The following ZBTB16 variants were observed in gnomAD, a reference collection of about 807,000 sequenced individuals.
ZBTB16 encodes zinc finger and BTB domain containing 16.
ZBTB16 carries 8 observed loss-of-function variants against 56.8 expected under a neutral mutation model. The observed-to-expected ratio is 0.14, with a 90% confidence interval of 0.08 to 0.25. The LOEUF (loss-of-function observed/expected upper bound fraction) is 0.25. Among genes scored for constraint, ZBTB16 ranks in the 10% least tolerant of loss-of-function variants. ZBTB16 has a pLI of 1.00. For missense variants in ZBTB16, 625 were observed against 903.0 expected, an observed-to-expected ratio of 0.69 and a Z score of 3.95; for synonymous variants, 363 against 368.5, an observed-to-expected ratio of 0.98 and a Z score of 0.17.
intron 2 of ZBTB16, among the ~76,000 whole-genome samples, chr11:114,092,599 T>C (rs1037122065): frequency 6.6e-6 from 1 of 152,192 alleles, no homozygotes; most frequent in African/African-American, 2.4e-5. Context: ...TGTGGGGCCT[T>C]TGTTCCTTGT....
At chr11:114,103,671 A>T (rs1400779845) in intron 2 of ZBTB16, among the ~76,000 whole-genome samples, 1 of 151,958 alleles carries the variant, frequency 6.6e-6, no homozygotes. Flanking sequence ...TGCACACAGG[A>T]TGTTTTCTCT....
rs1170263710 is a variant in ZBTB16, at chr11:114,143,555, A to G, written c.1269-12782A>G. Among the ~76,000 whole-genome samples, 1 of 152,114 alleles carries G rather than the reference A, an allele frequency of 6.6e-6. No individual in the cohort carries two copies. The highest frequency in any genetic ancestry group is 1.5e-5 in the Non-Finnish European group (1 of 68,018). ...GTTCCTGCAGGGAGATTACACAAAA[A>G]TGTAGAAAAAATACGCTAGTGACAG... On this transcript the variant is annotated intron_variant, in intron 2 of 6. Transcript: ENST00000335953. This position sits in a 1 kb window ranked among gnomAD's most constrained non-coding sequence, Gnocchi z 6.4.
intron 3 of ZBTB16, among the ~76,000 whole-genome samples, chr11:114,184,119 C>T (rs1385410927): frequency 3.3e-5 from 5 of 152,220 alleles, no homozygotes; most frequent in Non-Finnish European, 7.3e-5. Flanking sequence ...GGTACTTTAT[C>T]ACCCACTTAT....
chr11:114,119,430 C>G (rs1941280528), intron 2 of ZBTB16, among the ~76,000 whole-genome samples: 1 of 151,904 alleles, frequency 6.6e-6, no homozygotes, highest in African/African-American at 2.4e-5. Context: ...TTCCCCTTTG[C>G]TGACCTGGAC....
intron 4 of ZBTB16, among the ~76,000 whole-genome samples, chr11:114,212,269 C>T (rs1944013238): frequency 6.6e-6 from 1 of 151,958 alleles, no homozygotes. Flanking sequence ...TTTAACTTAC[C>T]TTAACAGATA....
At chr11:114,086,551 C>T (rs558959499) in intron 2 of ZBTB16, among the ~76,000 whole-genome samples, 1 of 152,348 alleles carries the variant, frequency 6.6e-6, no homozygotes, top group Admixed American at 6.5e-5. Flanking sequence ...TCTTCTCTCC[C>T]TCAGCTGTCT....
chr11:114,118,088 T>C (rs1941232367), intron 2 of ZBTB16, among the ~76,000 whole-genome samples: 1 of 152,192 alleles, frequency 6.6e-6, no homozygotes, highest in South Asian at 2.1e-4. Flanking sequence ...GGTGTGTGTG[T>C]CTGAAATGAG....
At chr11:114,141,515 A>G (rs1301011353) in intron 2 of ZBTB16, among the ~76,000 whole-genome samples, 1 of 152,188 alleles carries the variant, frequency 6.6e-6, no homozygotes, top group Non-Finnish European at 1.5e-5. Context: ...CACTTATCAT[A>G]AAGACATTAT....
chr11:114,219,656 A>C (rs1020438989), intron 4 of ZBTB16, among the ~76,000 whole-genome samples: 30 of 126,322 alleles, frequency 2.4e-4, no homozygotes, highest in African/African-American at 7.3e-4. Context: ...CTTTAAAAAA[A>C]GCTTAAAAAA....
At chr11:114,171,190 G>C (rs1942957377) in intron 3 of ZBTB16, among the ~76,000 whole-genome samples, 1 of 152,234 alleles carries the variant, frequency 6.6e-6, no homozygotes, top group South Asian at 2.1e-4. Context: ...TCTGATTATA[G>C]ATAATGAGGC....
intron 2 of ZBTB16, among the ~76,000 whole-genome samples, chr11:114,106,270 G>A (rs182226422): frequency 2.0e-4 from 31 of 152,170 alleles, no homozygotes; most frequent in African/African-American, 7.5e-4. Context: ...CTTCCCCCTT[G>A]GCCGGTTTCA....
intron 3 of ZBTB16, among the ~76,000 whole-genome samples, chr11:114,185,723 G>A (rs771102361): frequency 5.9e-5 from 9 of 152,272 alleles, no homozygotes; most frequent in Non-Finnish European, 1.2e-4. Context: ...GTGGAAGAAT[G>A]CATCTACCAG....
At chr11:114,148,390 T>TC (rs1942174233) in intron 2 of ZBTB16, among the ~76,000 whole-genome samples, 2 of 56,812 alleles carry the variant, frequency 3.5e-5, no homozygotes, top group Non-Finnish European at 7.2e-5. Flanking sequence ...CCTTCCTTCC[T>TC]CCTTCCCTCC....
chr11:114,210,219 AG>A (rs1219473356), intron 4 of ZBTB16, among the ~76,000 whole-genome samples: 2 of 148,618 alleles, frequency 1.3e-5, no homozygotes, highest in Non-Finnish European at 3.0e-5. Context: ...ACAGTTTGTG[AG>A]TGTCGGGTTC....
At chr11:114,134,777 C>T (rs568931816) in intron 2 of ZBTB16, among the ~76,000 whole-genome samples, 1 of 152,162 alleles carries the variant, frequency 6.6e-6, no homozygotes, top group South Asian at 2.1e-4. Context: ...TTTTTTTAAA[C>T]AATGAAAATG....
chr11:114,110,115 G>A (rs935740972), intron 2 of ZBTB16, among the ~76,000 whole-genome samples: 1 of 152,058 alleles, frequency 6.6e-6, no homozygotes, highest in Non-Finnish European at 1.5e-5. Context: ...TGTGTGTGCT[G>A]GGGGGCGGTA....
chr11:114,216,400 G>A (rs506880), intron 4 of ZBTB16, among the ~76,000 whole-genome samples: 39,737 of 151,864 alleles, frequency 0.26, 5,993 homozygotes, highest in South Asian at 0.38. Flanking sequence ...CCCTTACTAG[G>A]CTGATAAATT....
At position 114,069,495 on chromosome 11, in the gene ZBTB16, G is replaced by A. The variant is rs944720808; in HGVS notation, c.1268+4927G>A. ...GAGGCTTTGTGGAGCCAGCTGTACG[G>A]TGCATGAGCTTTGTGGCTAAGATAT... is the stretch of plus-strand genomic sequence containing the variant. On this transcript the variant is annotated intron_variant, in intron 2 of 6. Transcript: ENST00000335953. 2.6e-5 allele frequency among the ~76,000 whole-genome samples: 4 copies of A among 152,226 alleles called. No homozygotes were observed. In the South Asian group the frequency reaches 8.3e-4, roughly 32 times the overall value.
chr11:114,225,021 G>A (rs554681452), intron 4 of ZBTB16, among the ~76,000 whole-genome samples: 3 of 152,268 alleles, frequency 2.0e-5, no homozygotes, highest in South Asian at 2.1e-4. Context: ...GAGTGGAGGA[G>A]GTGGTTAGTT....
Sources: gnomAD v4.1 joint callset for allele counts (sites outside exome capture counted in the v4.1 genomes callset) on GRCh38, gnomAD v4.1.1 for gene constraint, Gnocchi (gnomAD v3.1) non-coding constraint, MANE v1.5 for transcripts, NCBI Gene and HGNC (gene_info 2026-07-23, HGNC 2026-07-21) for gene names.